Variants in KCNK3 observed in about 807,000 individuals in gnomAD.
KCNK3 encodes potassium two pore domain channel subfamily K member 3.
A neutral mutation model predicts 27.3 loss-of-function variants in KCNK3; 9 were observed. The observed-to-expected ratio is 0.33, with a 90% CI of 0.20 to 0.57. KCNK3 has a LOEUF of 0.57. Among genes scored for constraint, KCNK3 ranks in the 20% least tolerant of loss-of-function variants. The pLI, the probability that KCNK3 is intolerant of heterozygous loss-of-function variation, is 0.87. For synonymous variants in KCNK3, 278 were observed against 273.8 expected (o/e 1.02, Z -0.15); for missense variants, 391 against 577.7 (o/e 0.68, Z 3.31).
In KCNK3 at chr2:26,693,286, G is replaced by T. The variant is rs898698507; in HGVS notation, c.283+128G>T. On this transcript the variant is annotated intron_variant, in intron 1 of 1. Coordinates refer to ENST00000302909, the MANE Select transcript of KCNK3 (RefSeq NM_002246.3). This position sits in a 1 kb window ranked among gnomAD's most constrained non-coding sequence, Gnocchi z 5.5. ...GGGCTGGGCGCCGAACCCTGCGCTC[G>T]CAGAAACCCGAGTTCAGCCTGGCGT... 10 of 926,868 alleles carry T rather than the reference G, an allele frequency of 1.1e-5. No homozygotes were observed. In the Admixed American group the frequency reaches 3.0e-4, roughly 28 times the overall value. The allele number at this position is 926,868 out of a possible 1,614,324, so 57.4% of individuals were successfully genotyped here. A position where few individuals can be genotyped will look rare whatever the true frequency, so the allele number is the denominator to read the frequency against.
chr2:26,723,800 G>C (rs1018923627), intron 1 of KCNK3, among the ~76,000 whole-genome samples: 2 of 152,164 alleles, frequency 1.3e-5, no homozygotes, highest in Non-Finnish European at 2.9e-5. Flanking sequence ...GAGAGGAGGC[G>C]GTATGGATAG....
At chr2:26,694,106 T>G (rs540412705) in intron 1 of KCNK3, among the ~76,000 whole-genome samples, 1 of 152,228 alleles carries the variant, frequency 6.6e-6, no homozygotes, top group South Asian at 2.1e-4. Flanking sequence ...CCCAACACCC[T>G]ATGATTTCAG....
chr2:26,720,236 C>T (rs1663303474), intron 1 of KCNK3, among the ~76,000 whole-genome samples: 1 of 152,208 alleles, frequency 6.6e-6, no homozygotes, highest in African/African-American at 2.4e-5. Context: ...GCCTGGGCAA[C>T]ACAGCGAGAT....
intron 1 of KCNK3, among the ~76,000 whole-genome samples, chr2:26,722,096 G>T (rs1663338760): frequency 6.6e-6 from 1 of 152,250 alleles, no homozygotes; most frequent in South Asian, 2.1e-4. Flanking sequence ...GGTCAAGGAA[G>T]TGGGAAGACA....
chr2:26,705,981 A>G (rs1196309676), intron 1 of KCNK3, among the ~76,000 whole-genome samples: 1 of 152,038 alleles, frequency 6.6e-6, no homozygotes, highest in African/African-American at 2.4e-5. Flanking sequence ...TGCCCACGGG[A>G]GTTAATTCAT....
intron 1 of KCNK3, among the ~76,000 whole-genome samples, chr2:26,725,882 T>C (rs1663407357): frequency 6.6e-6 from 1 of 152,192 alleles, no homozygotes; most frequent in African/African-American, 2.4e-5. Context: ...GGCTGCTCTC[T>C]TGGAAACATG....
chr2:26,728,837 A>T lies in KCNK3; in HGVS notation c.*269A>T. The T allele has an allele frequency of 2.6e-6, 1 of 379,372 alleles. No individual in the cohort carries two copies. The highest frequency in any genetic ancestry group is 4.7e-6 in the Non-Finnish European group (1 of 214,096). 23.5% of individuals were successfully genotyped at this position (379,372 alleles called of 1,614,324 possible). ...TCAGGGAGGAAAGGCAGAAGCTGGG[A>T]GCCTCCCTTCCCTTTGAAAATCTAA... On this transcript the variant is annotated 3_prime_UTR_variant, in exon 2 of 2. Coordinates refer to ENST00000302909, the MANE Select transcript of KCNK3 (RefSeq NM_002246.3).
At chr2:26,708,318 G>C (rs938341907) in intron 1 of KCNK3, among the ~76,000 whole-genome samples, 1 of 152,170 alleles carries the variant, frequency 6.6e-6, no homozygotes, top group Non-Finnish European at 1.5e-5. Context: ...AGTGAAGTGA[G>C]GAGAAGAGGC....
chr2:26,703,151 G>A (rs1400081172), intron 1 of KCNK3, among the ~76,000 whole-genome samples: 1 of 152,146 alleles, frequency 6.6e-6, no homozygotes, highest in East Asian at 1.9e-4. Context: ...GCTCTCTTCA[G>A]TATGTGCTAA....
At position 26,724,947 on chromosome 2, in the gene KCNK3, G is replaced by A. The variant is rs79437814; in HGVS notation, c.284-2720G>A. ...CTAAGGACGGGTCTCTGGGGTGGCCGCAGGGTATAGCAAAAGAAGGGCAAG... is the reference window on the plus strand; with the variant it reads ...CTAAGGACGGGTCTCTGGGGTGGCCACAGGGTATAGCAAAAGAAGGGCAAG... On this transcript the variant is annotated intron_variant, in intron 1 of 1. Coordinates refer to ENST00000302909, the MANE Select transcript of KCNK3 (RefSeq NM_002246.3). 3.1e-3 allele frequency among the ~76,000 whole-genome samples: 471 copies of A among 152,168 alleles called. 4 individuals carry two copies. The Middle Eastern group carries it at 0.048, about 15-fold the overall frequency.
intron 1 of KCNK3, among the ~76,000 whole-genome samples, chr2:26,719,866 G>T (rs1038991530): frequency 6.6e-6 from 1 of 152,212 alleles, no homozygotes; most frequent in Non-Finnish European, 1.5e-5. Flanking sequence ...GGCAGTAAAA[G>T]ATGACATGAG....
chr2:26,713,507 C>T (rs1435542070), intron 1 of KCNK3, among the ~76,000 whole-genome samples: 2 of 152,170 alleles, frequency 1.3e-5, no homozygotes, highest in African/African-American at 2.4e-5. Context: ...GGGCCGGACA[C>T]GGTGGCTCAT....
rs113810493 is a variant in KCNK3 at position 26,693,336 on chromosome 2, G to A, written c.283+178G>A. 1.2e-4 allele frequency among the ~76,000 whole-genome samples: 18 copies of A among 152,306 alleles called. No individual in the cohort carries two copies. The highest frequency in any genetic ancestry group is 3.8e-4 in the African/African-American group (16 of 41,588). On this transcript the variant is annotated intron_variant, in intron 1 of 1. Transcript: ENST00000302909. This position sits in a 1 kb window ranked among gnomAD's most constrained non-coding sequence, Gnocchi z 5.5. ...TGTGTGCTCCGCGGGGACGGAACTCGGGGAGGCGTCGATTCCTGGCTCCGG... is the reference window on the plus strand; with the variant it reads ...TGTGTGCTCCGCGGGGACGGAACTCAGGGAGGCGTCGATTCCTGGCTCCGG...
rs375930383 is a variant in KCNK3 at position 26,728,397 on chromosome 2, G to A, written c.1014G>A (p.Thr338=). ...IIPRDLSTSD[T]CVEQSHSSPG... is the part of the protein sequence containing the mutation. Reference sequence around the variant, plus strand: ...CGCGGGACCTCTCCACGTCCGACACGTGCGTGGAGCAGAGCCACTCGTCGC... The same window carrying A: ...CGCGGGACCTCTCCACGTCCGACACATGCGTGGAGCAGAGCCACTCGTCGC... Residue 338 remains threonine, a synonymous_variant, in exon 2 of 2, where the codon ACG becomes ACA. Coordinates refer to ENST00000302909, the MANE Select transcript of KCNK3 (RefSeq NM_002246.3). 84 of 1,606,574 alleles carry A rather than the reference G, an allele frequency of 5.2e-5. No homozygotes were observed. In the African/African-American group the frequency reaches 1.1e-3, roughly 20 times the overall value.
intron 1 of KCNK3, among the ~76,000 whole-genome samples, chr2:26,726,098 CACACACACAGAG>C (rs1663411848): frequency 9.2e-6 from 1 of 108,118 alleles, no homozygotes; most frequent in African/African-American, 4.5e-5. Flanking sequence ...CACACACACA[CACACACACAGAG>C]AGAGAGAGAG....
chr2:26,707,233 C>T (rs1007771412), intron 1 of KCNK3, among the ~76,000 whole-genome samples: 1 of 152,200 alleles, frequency 6.6e-6, no homozygotes, highest in Non-Finnish European at 1.5e-5. Context: ...GCCTCCCACC[C>T]GGACAGGGTC....
Position 26,728,520 on chromosome 2 carries a change from C to T in KCNK3, c.1137C>T (p.His379=), listed in dbSNP as rs1179427521. 6.7e-7 allele frequency: 1 copy of T among 1,493,228 alleles called. No individual in the cohort carries two copies. The highest frequency in any genetic ancestry group is 2.2e-5 in the Admixed American group (1 of 45,094). The allele number at this position is 1,493,228 out of a possible 1,614,324, so 92.5% of individuals were successfully genotyped here. A position where few individuals can be genotyped will look rare whatever the true frequency, so the allele number is the denominator to read the frequency against. ...SAISSVSTGL[H]SLSTFRGLMK... is the part of the protein sequence containing the mutation. ...TCAGCTCGGTGTCCACGGGTCTGCACAGCCTGTCCACCTTCCGCGGCCTCA... is the reference window on the plus strand; with the variant it reads ...TCAGCTCGGTGTCCACGGGTCTGCATAGCCTGTCCACCTTCCGCGGCCTCA... The change falls in exon 2 of 2, where the codon CAC becomes CAT. Residue 379 remains histidine (H), a synonymous_variant. Transcript: ENST00000302909.
chr2:26,708,635 C>T (rs951399475), intron 1 of KCNK3, among the ~76,000 whole-genome samples: 6 of 152,066 alleles, frequency 3.9e-5, no homozygotes, highest in African/African-American at 9.7e-5. Flanking sequence ...GCCGAGATCG[C>T]GCTATTGTAC....
chr2:26,726,102 C>CAGAGAGAGAGAGAGAGAG (rs775668682), intron 1 of KCNK3, among the ~76,000 whole-genome samples: 9 of 136,232 alleles, frequency 6.6e-5, no homozygotes, highest in African/African-American at 2.0e-4. Context: ...CACACACACA[C>CAGAGAGAGAGAGAGAGAG]ACACAGAGAG....
Sources: gnomAD v4.1 joint callset for allele counts (sites outside exome capture counted in the v4.1 genomes callset) on GRCh38, gnomAD v4.1.1 for gene constraint, Gnocchi (gnomAD v3.1) non-coding constraint, MANE v1.5 for transcripts, NCBI Gene and HGNC (gene_info 2026-07-23, HGNC 2026-07-21) for gene names.